The following R3HDM2 variants were observed in gnomAD, a reference collection of about 807,000 sequenced individuals.
R3HDM2 encodes R3H domain containing 2.
R3HDM2 carries 38 observed loss-of-function variants against 124.5 expected under a neutral mutation model. The ratio of observed to expected loss-of-function variants is 0.31; its 90% CI spans 0.24 to 0.40. The LOEUF is 0.40. Ranked by LOEUF, R3HDM2 falls within the 10% of genes least tolerant of loss-of-function variation. R3HDM2 has a pLI of 1.00. For missense variants in R3HDM2, 869 were observed against 1,236.9 expected (o/e 0.70, Z 4.46); for synonymous variants, 391 against 448.0 (o/e 0.87, Z 1.61).
intron 2 of R3HDM2, among the ~76,000 whole-genome samples, chr12:57,388,078 CCTCAGCCT>C (rs1199571981): frequency 6.6e-6 from 1 of 152,066 alleles, no homozygotes; most frequent in East Asian, 1.9e-4. Flanking sequence ...GATTCTCTTG[CCTCAGCCT>C]CCCAACTAGC....
At position 57,280,421 on chromosome 12, in the gene R3HDM2, T is replaced by TTGC. The variant is rs751961050; in HGVS notation, c.1278_1280dup (p.Gln427dup). On this transcript the variant is annotated inframe_insertion, in exon 14 of 24. Transcript: ENST00000402412. ...GAGGCGTGGGTGGGAGAGCAGGAAGTTGCTGCTGCTGCTGCTGCTGTTGCT... is the reference window on the plus strand; with the variant it reads ...GAGGCGTGGGTGGGAGAGCAGGAAGTTGCTGCTGCTGCTGCTGCTGCTGTTGCT... 90 of 1,612,698 alleles carry TTGC rather than the reference T, an allele frequency of 5.6e-5. No individual in the cohort carries two copies. Among genetic ancestry groups the TTGC allele is most frequent in the African/African-American group, 1.7e-4 (13 of 74,960 alleles).
chr12:57,429,123 C>CTGA (rs1949541500), intron 1 of R3HDM2, among the ~76,000 whole-genome samples: 1 of 152,218 alleles, frequency 6.6e-6, no homozygotes, highest in African/African-American at 2.4e-5. Context: ...CAATGGCTCA[C>CTGA]GCCTGTAATC....
chr12:57,255,064 A>T lies in R3HDM2; in HGVS notation c.2682T>A (p.Arg894=). 1.2e-6 allele frequency: 2 copies of T among 1,611,770 alleles called. No homozygotes were observed. The highest frequency in any genetic ancestry group is 1.7e-6 in the Non-Finnish European group (2 of 1,178,912). The change falls in exon 24 of 24, where the codon CGT becomes CGA. Residue 894 remains arginine, a synonymous_variant. Transcript: ENST00000402412. ...GCGTGAAGAGTTTGTCCGCCTCAGT[A>T]CGGGTGATGCCCTCAGGGAGATCTG... The part of the protein sequence containing the change: ...EVTDLPEGIT[R]TEADKLFTQL...
intron 11 of R3HDM2, among the ~76,000 whole-genome samples, chr12:57,291,979 G>A (rs2048740755): frequency 6.6e-6 from 1 of 152,226 alleles, no homozygotes; most frequent in South Asian, 2.1e-4. Context: ...AGCTAGTCCT[G>A]TTGTAGGAAG....
chr12:57,308,990 GT>G (rs2053346374), intron 3 of R3HDM2, among the ~76,000 whole-genome samples: 2 of 152,202 alleles, frequency 1.3e-5, no homozygotes, highest in Admixed American at 1.3e-4. Context: ...CAACTAACAT[GT>G]AATAATGGAA....
chr12:57,338,272 CAGTCTGGGCAACA>C (rs2059122730), intron 2 of R3HDM2, among the ~76,000 whole-genome samples: 2 of 152,194 alleles, frequency 1.3e-5, no homozygotes, highest in Non-Finnish European at 2.9e-5. Flanking sequence ...CATTGCACTC[CAGTCTGGGCAACA>C]AGAGCAAAGC....
intron 2 of R3HDM2, among the ~76,000 whole-genome samples, chr12:57,312,117 C>A (rs999138663): frequency 6.6e-6 from 1 of 152,104 alleles, no homozygotes; most frequent in Non-Finnish European, 1.5e-5. Flanking sequence ...CCAGTGTAGC[C>A]CTAGAAATGG....
chr12:57,406,147 C>T (rs1015330372), intron 1 of R3HDM2, among the ~76,000 whole-genome samples: 1 of 151,898 alleles, frequency 6.6e-6, no homozygotes, highest in African/African-American at 2.4e-5. Context: ...CATGGTGAAA[C>T]CCCATTTCTA....
At chr12:57,272,836 T>A (rs566604132) in intron 14 of R3HDM2, among the ~76,000 whole-genome samples, 1 of 152,266 alleles carries the variant, frequency 6.6e-6, no homozygotes, top group African/African-American at 2.4e-5. Context: ...CATTCAGAAC[T>A]CTGCAGCTGT....
intron 19 of R3HDM2, among the ~76,000 whole-genome samples, chr12:57,264,701 T>C (rs543386061): frequency 3.3e-5 from 5 of 151,550 alleles, no homozygotes; most frequent in African/African-American, 1.2e-4. Flanking sequence ...GGCACCATCA[T>C]AGATCACTGC....
intron 1 of R3HDM2, among the ~76,000 whole-genome samples, chr12:57,398,174 G>T (rs2067741100): frequency 6.7e-6 from 1 of 150,064 alleles, no homozygotes; most frequent in South Asian, 2.1e-4. Flanking sequence ...CTTCACTCCA[G>T]CAGCCTAGGC....
intron 3 of R3HDM2, among the ~76,000 whole-genome samples, chr12:57,309,293 C>T (rs2053421455): frequency 6.6e-6 from 1 of 152,164 alleles, no homozygotes; most frequent in South Asian, 2.1e-4. Flanking sequence ...GTTTTCACCC[C>T]TGGGCATGAA....
At chr12:57,372,589 A>C (rs1477136330) in intron 2 of R3HDM2, among the ~76,000 whole-genome samples, 2 of 152,244 alleles carry the variant, frequency 1.3e-5, no homozygotes, top group African/African-American at 2.4e-5. Flanking sequence ...CAAGAGAGCT[A>C]ATAAACAATG....
In R3HDM2 at chr12:57,409,086, T is replaced by C. The variant is rs758256837; in HGVS notation, c.-105-13268A>G. 5.1e-4 allele frequency among the ~76,000 whole-genome samples: 77 copies of C among 152,132 alleles called. 2 individuals are homozygous for C. Among genetic ancestry groups the C allele is most frequent in the Non-Finnish European group, 1.6e-4 (11 of 68,018 alleles). ...ATTAATTGTTCATTTTTTATCTCTA[T>C]AGCTAGCCAGTCAGTAAGGTTCTTT... On this transcript the variant is annotated intron_variant, in intron 1 of 23. Transcript: ENST00000402412.
intron 2 of R3HDM2, among the ~76,000 whole-genome samples, chr12:57,319,635 C>T (rs1003291811): frequency 1.8e-4 from 27 of 152,126 alleles, no homozygotes; most frequent in African/African-American, 6.3e-4. Flanking sequence ...CTAAACATTC[C>T]CAGCTTCTTT....
intron 1 of R3HDM2, among the ~76,000 whole-genome samples, chr12:57,429,642 G>C (rs1869155276): frequency 6.6e-6 from 1 of 152,012 alleles, no homozygotes; most frequent in South Asian, 2.1e-4. Context: ...GAGGCCAGGA[G>C]GCAGAGGTTG....
At position 57,384,920 on chromosome 12, in the gene R3HDM2, G is replaced by A. The variant is rs576243466; in HGVS notation, c.-36+10829C>T. On this transcript the variant is annotated intron_variant, in intron 2 of 23. Coordinates refer to ENST00000402412, the MANE Select transcript of R3HDM2 (RefSeq NM_001394031.1). ...TGCCAGCACTTTGGGAGGCCGAGGC[G>A]GGTGGATCACGAGGTCAGGAGTTCA... is the stretch of plus-strand genomic sequence containing the variant. Among the ~76,000 whole-genome samples, 306 of 152,172 alleles carry A rather than the reference G, an allele frequency of 2.0e-3. 3 individuals are homozygous for A. Among genetic ancestry groups the A allele is most frequent in the African/African-American group, 6.5e-3 (271 of 41,510 alleles).
chr12:57,338,896 G>C (rs1306362905), intron 2 of R3HDM2, among the ~76,000 whole-genome samples: 1 of 151,356 alleles, frequency 6.6e-6, no homozygotes, highest in African/African-American at 2.4e-5. Flanking sequence ...TAATAATAAT[G>C]GCTAATGCTA....
intron 3 of R3HDM2, among the ~76,000 whole-genome samples, chr12:57,306,529 C>A (rs568452922): frequency 6.6e-6 from 1 of 152,148 alleles, no homozygotes; most frequent in East Asian, 1.9e-4. Flanking sequence ...CTGCCTCAGC[C>A]TCCTGGGTAG....
Sources: gnomAD v4.1 joint callset for allele counts (sites outside exome capture counted in the v4.1 genomes callset) on GRCh38, gnomAD v4.1.1 for gene constraint, MANE v1.5 for transcripts, NCBI Gene and HGNC (gene_info 2026-07-23, HGNC 2026-07-21) for gene names.